EFR3B: variants seen among roughly 807,000 people sequenced by gnomAD.
The protein encoded by EFR3B is EFR3 homolog B.
In EFR3B, 64 loss-of-function variants were observed where a neutral mutation model predicts 104.7. The ratio of observed to expected loss-of-function variants is 0.61; its 90% CI spans 0.50 to 0.75. EFR3B has a LOEUF of 0.75. Ranked by LOEUF, EFR3B falls within the 30% of genes least tolerant of loss-of-function variation. The pLI, the probability that EFR3B is intolerant of heterozygous loss-of-function variation, is 0.00. For missense variants in EFR3B, 750 were observed against 1,078.5 expected (o/e 0.70, Z 4.27); for synonymous variants, 385 against 417.9 (o/e 0.92, Z 0.96).
chr2:25,065,654 T>C (rs1031712046), intron 1 of EFR3B, among the ~76,000 whole-genome samples: 2 of 152,196 alleles, frequency 1.3e-5, no homozygotes, highest in African/African-American at 4.8e-5. Flanking sequence ...GCCTGAGGGC[T>C]GGGCCCTGTG....
intron 4 of EFR3B, among the ~76,000 whole-genome samples, chr2:25,104,072 G>C (rs537913149): frequency 6.6e-6 from 1 of 152,084 alleles, no homozygotes; most frequent in African/African-American, 2.4e-5. Context: ...TGGTGGCCAG[G>C]CACAGTGGCT....
chr2:25,123,729 G>A (rs13012813), intron 5 of EFR3B, among the ~76,000 whole-genome samples: 12,111 of 152,326 alleles, frequency 0.08, 650 homozygotes, highest in Non-Finnish European at 0.12. Context: ...TGCTGCCCAC[G>A]CAGGCCCTGC....
rs145144132 is a variant in EFR3B, at chr2:25,153,291, T to C, written c.2299-421T>C. 4.5e-3 allele frequency among the ~76,000 whole-genome samples: 677 copies of C among 152,016 alleles called. 8 individuals carry two copies. The highest frequency in any genetic ancestry group is 0.016 in the African/African-American group (649 of 41,454). ...CTTACTTGAACCCAGGAGGTAGAGG[T>C]TGCAGTGAGCTGAGGTCATGCCACC... On this transcript the variant is annotated intron_variant, in intron 21 of 22. Transcript: ENST00000403714.
At chr2:25,102,128 A>G (rs968976238) in intron 3 of EFR3B, among the ~76,000 whole-genome samples, 2 of 152,182 alleles carry the variant, frequency 1.3e-5, no homozygotes, top group African/African-American at 4.8e-5. Context: ...AACTAAGATA[A>G]TTGGGTTGTC....
chr2:25,135,743 A>C, intron 13 of EFR3B, 104 bp downstream of exon 13: 3 of 1,314,852 alleles, frequency 2.3e-6, no homozygotes, highest in Non-Finnish European at 3.1e-6. Context: ...CCACCTCAGT[A>C]TCTGAGTATT....
At chr2:25,109,347 A>C (rs1241729149) in intron 4 of EFR3B, among the ~76,000 whole-genome samples, 4 of 152,224 alleles carry the variant, frequency 2.6e-5, no homozygotes, top group Non-Finnish European at 5.9e-5. Flanking sequence ...TGGCAATTAA[A>C]AACACAGTCC....
chr2:25,056,626 A>G (rs1369951124), intron 1 of EFR3B, among the ~76,000 whole-genome samples: 1 of 151,998 alleles, frequency 6.6e-6, no homozygotes, highest in East Asian at 1.9e-4. Flanking sequence ...CAGAAGAGGG[A>G]AAAACAGCAG....
chr2:25,077,588 C>T (rs1386323095), intron 1 of EFR3B, among the ~76,000 whole-genome samples: 8 of 152,096 alleles, frequency 5.3e-5, no homozygotes, highest in Admixed American at 2.6e-4. Context: ...CATGCCTGGC[C>T]GAAAGGCCTT....
At chr2:25,148,545 G>A (rs1403169762) in intron 19 of EFR3B, among the ~76,000 whole-genome samples, 2 of 151,582 alleles carry the variant, frequency 1.3e-5, no homozygotes, top group African/African-American at 4.8e-5. Flanking sequence ...ATGAGCCACC[G>A]CATCCGGCCT....
At chr2:25,108,318 A>G (rs1669622988) in intron 4 of EFR3B, among the ~76,000 whole-genome samples, 1 of 152,148 alleles carries the variant, frequency 6.6e-6, no homozygotes, top group Non-Finnish European at 1.5e-5. Context: ...TTGGGTCCAG[A>G]TGCATGTCTT....
chr2:25,059,572 C>CGA (rs1553385026), intron 1 of EFR3B, among the ~76,000 whole-genome samples: 2 of 60,216 alleles, frequency 3.3e-5, no homozygotes, highest in Non-Finnish European at 6.6e-5. Context: ...CCAGGGACTG[C>CGA]GGGGGGGGGG....
rs1670026106 is a variant in EFR3B, at chr2:25,121,875, C to T, written c.485+81C>T. ...GTCCTGTAGATAACTTCCAACCTGC[C>T]ATTGCGTGTCTGCTTTTGTTAGTAT... On this transcript the variant is annotated intron_variant, in intron 5 of 22. Coordinates refer to ENST00000403714, the MANE Select transcript of EFR3B (RefSeq NM_014971.2). The T allele has an allele frequency of 3.9e-6, 6 of 1,525,772 alleles. No individual in the cohort carries two copies. In the South Asian group the frequency reaches 7.4e-5, roughly 19 times the overall value. 94.5% of individuals were successfully genotyped at this position (1,525,772 alleles called of 1,614,324 possible). A position where few individuals can be genotyped will look rare whatever the true frequency, so the allele number is the denominator to read the frequency against.
chr2:25,051,780 C>T (rs1483630221), intron 1 of EFR3B, among the ~76,000 whole-genome samples: 3 of 151,288 alleles, frequency 2.0e-5, no homozygotes, highest in Non-Finnish European at 2.9e-5. Flanking sequence ...GGTTTGCAGG[C>T]GTGCACCACC....
intron 1 of EFR3B, among the ~76,000 whole-genome samples, chr2:25,063,850 T>G (rs1005345205): frequency 6.6e-6 from 1 of 152,196 alleles, no homozygotes; most frequent in Admixed American, 6.5e-5. Context: ...TTAGAGCTTT[T>G]CAGGAGCTGT....
intron 1 of EFR3B, among the ~76,000 whole-genome samples, chr2:25,087,983 G>A (rs545029160): frequency 2.1e-4 from 32 of 152,164 alleles, no homozygotes; most frequent in Non-Finnish European, 3.2e-4. Context: ...AGGGTGTAAG[G>A]GCTGTGTATA....
chr2:25,078,207 T>C (rs1668689714), intron 1 of EFR3B, among the ~76,000 whole-genome samples: 1 of 152,208 alleles, frequency 6.6e-6, no homozygotes. Context: ...AGTTCATTAA[T>C]GTCAGTGAAC....
At position 25,136,788 on chromosome 2, in the gene EFR3B, C is replaced by T. The variant is rs140351380; in HGVS notation, c.1560+190C>T. On this transcript the variant is annotated intron_variant, in intron 14 of 22. Transcript: ENST00000403714. This position sits in a 1 kb window ranked among gnomAD's most constrained non-coding sequence, Gnocchi z 4.0. Reference sequence around the variant, plus strand: ...AAAATTAACCGGGCATGGTGGTGGGCACCTGCAATCCCAGCTACTCGGGAG... The same window carrying T: ...AAAATTAACCGGGCATGGTGGTGGGTACCTGCAATCCCAGCTACTCGGGAG... 5.7e-3 allele frequency among the ~76,000 whole-genome samples: 866 copies of T among 152,300 alleles called. 2 individuals carry two copies. Among genetic ancestry groups the T allele is most frequent in the Non-Finnish European group, 9.0e-3 (614 of 68,024 alleles).
intron 5 of EFR3B, among the ~76,000 whole-genome samples, chr2:25,127,009 C>A (rs890030301): frequency 6.6e-6 from 1 of 151,432 alleles, no homozygotes; most frequent in African/African-American, 2.4e-5. Flanking sequence ...CTGACCAACA[C>A]GGTGAAACCC....
chr2:25,090,664 C>G (rs912171700), intron 1 of EFR3B, among the ~76,000 whole-genome samples: 1 of 152,230 alleles, frequency 6.6e-6, no homozygotes, highest in Non-Finnish European at 1.5e-5. Flanking sequence ...TCAAATTCCA[C>G]TGTCACACTG....
Sources: gnomAD v4.1 joint callset for allele counts (sites outside exome capture counted in the v4.1 genomes callset) on GRCh38, gnomAD v4.1.1 for gene constraint, Gnocchi (gnomAD v3.1) non-coding constraint, MANE v1.5 for transcripts, NCBI Gene and HGNC (gene_info 2026-07-23, HGNC 2026-07-21) for gene names.